NOL4L: variants seen among roughly 807,000 people sequenced by gnomAD.
NOL4L encodes the protein nucleolar protein 4 like, also known as nucleolar protein 4-like.
In NOL4L, 7 loss-of-function variants were observed where a neutral mutation model predicts 64.5. The observed-to-expected ratio is 0.11, with a 90% CI of 0.06 to 0.20. The LOEUF (loss-of-function observed/expected upper bound fraction) is 0.20. NOL4L is among the 10% of genes least tolerant of loss of function. The pLI is 1.00. For synonymous variants in NOL4L, 413 were observed against 401.0 expected, an observed-to-expected ratio of 1.03 and a Z score of -0.36; for missense variants, 680 against 967.1, an observed-to-expected ratio of 0.70 and a Z score of 3.94.
intron 1 of NOL4L, among the ~76,000 whole-genome samples, chr20:32,541,727 C>T (rs946791674): frequency 2.0e-5 from 3 of 152,268 alleles, no homozygotes; most frequent in Non-Finnish European, 4.4e-5. Flanking sequence ...GCGGCACCCG[C>T]GCTGAGCTGG....
rs1469308730 is a variant in NOL4L at position 32,447,539 on chromosome 20, G to T, written c.*57C>A. On this transcript the variant is annotated 3_prime_UTR_variant, in exon 11 of 11. Transcript: ENST00000621426. ...TACCAACTGGTGAGGCAGGAAGCCA[G>T]GTCCAGGCTGGGACAGCCTCCTTCC... 6.6e-7 allele frequency: 1 copy of T among 1,523,722 alleles called. No individual in the cohort carries two copies. The highest frequency in any genetic ancestry group is 2.3e-5 in the East Asian group (1 of 43,828). The allele number at this position is 1,523,722 out of a possible 1,614,324, so 94.4% of individuals were successfully genotyped here.
chr20:32,443,129 G>T lies in NOL4L; in HGVS notation c.*4467C>A, dbSNP rs1038342235. ...ATGATATACAGATTCAAAAGGAAAAGGATTCCACATACTTATGAAATCAGT... is the reference window on the plus strand; with the variant it reads ...ATGATATACAGATTCAAAAGGAAAATGATTCCACATACTTATGAAATCAGT... On this transcript the variant is annotated 3_prime_UTR_variant, in exon 11 of 11. Coordinates refer to ENST00000621426, the MANE Select transcript of NOL4L (RefSeq NM_001256798.2). The T allele has an allele frequency of 6.6e-6, 1 of 152,164 alleles. No individual in the cohort carries two copies. Among genetic ancestry groups the T allele is most frequent in the South Asian group, 2.1e-4 (1 of 4,832 alleles). 9.4% of individuals were successfully genotyped at this position (152,164 alleles called of 1,614,324 possible).
intron 5 of NOL4L, among the ~76,000 whole-genome samples, chr20:32,462,021 A>G (rs2014116437): frequency 6.6e-6 from 1 of 151,872 alleles, no homozygotes; most frequent in South Asian, 2.1e-4. Context: ...TCAACCCATC[A>G]CAGCAACTGG....
chr20:32,524,417 C>T (rs1186101251), intron 2 of NOL4L, among the ~76,000 whole-genome samples: 1 of 152,204 alleles, frequency 6.6e-6, no homozygotes, highest in African/African-American at 2.4e-5. Context: ...ATCTGATCCA[C>T]GGGTGGACAG....
At chr20:32,581,562 C>T (rs573034549) in intron 1 of NOL4L, among the ~76,000 whole-genome samples, 43 of 152,278 alleles carry the variant, frequency 2.8e-4, no homozygotes, top group African/African-American at 1.0e-3. Flanking sequence ...CATGGCCACC[C>T]TGGGGACAGA....
At chr20:32,563,594 A>G (rs562358912) in intron 1 of NOL4L, among the ~76,000 whole-genome samples, 201 of 152,120 alleles carry the variant, frequency 1.3e-3, no homozygotes, top group Non-Finnish European at 2.5e-3. Context: ...TGAGCCAGCC[A>G]GCCCAGGCCC....
In NOL4L at chr20:32,478,064, G is replaced by C. The variant is rs868372686; in HGVS notation, c.700-3322C>G. On this transcript the variant is annotated intron_variant, in intron 4 of 10. Coordinates refer to ENST00000621426, the MANE Select transcript of NOL4L (RefSeq NM_001256798.2). ...CCAACTGCCCAGGGGCACGAAGCCA[G>C]CAGCACAGCTGGTGTGTAGACCCAG... Among the ~76,000 whole-genome samples, 38 of 152,306 alleles carry C rather than the reference G, an allele frequency of 2.5e-4. No homozygotes were observed. The South Asian group carries it at 5.8e-3, about 23-fold the overall frequency.
chr20:32,566,832 C>T (rs936865628), intron 1 of NOL4L, among the ~76,000 whole-genome samples: 1 of 152,190 alleles, frequency 6.6e-6, no homozygotes, highest in African/African-American at 2.4e-5. Flanking sequence ...CACAGTGGGC[C>T]TGTTCCTTGT....
Position 32,487,929 on chromosome 20 carries a change from G to GTTTTA in NOL4L, c.700-13192_700-13188dup, listed in dbSNP as rs1401215491. On this transcript the variant is annotated intron_variant, in intron 4 of 10. Coordinates refer to ENST00000621426, the MANE Select transcript of NOL4L (RefSeq NM_001256798.2). ...TGTGATCCACAGTTTTTGTTTGTTG[G>GTTTTA]TTTTATTTTTTTTTTTTTTTGACCA... 1.5e-4 allele frequency among the ~76,000 whole-genome samples: 14 copies of GTTTTA among 92,430 alleles called. 1 individual carries two copies. Among genetic ancestry groups the GTTTTA allele is most frequent in the African/African-American group, 9.9e-4 (14 of 14,112 alleles). The allele number at this position is 92,430 out of a possible 152,430, so 60.6% of individuals were successfully genotyped here.
At chr20:32,465,929 G>A (rs573468159) in intron 5 of NOL4L, among the ~76,000 whole-genome samples, 1 of 152,140 alleles carries the variant, frequency 6.6e-6, no homozygotes, top group African/African-American at 2.4e-5. Context: ...AAGGGCAAGG[G>A]CACTGATCCC....
chr20:32,457,808 C>T (rs971096130), intron 5 of NOL4L, among the ~76,000 whole-genome samples: 3 of 152,234 alleles, frequency 2.0e-5, no homozygotes, highest in African/African-American at 2.4e-5. Context: ...ATAGCTGCCC[C>T]TCACTGGCTG....
chr20:32,538,841 CA>C (rs1342853434), intron 1 of NOL4L, among the ~76,000 whole-genome samples: 1 of 152,206 alleles, frequency 6.6e-6, no homozygotes, highest in African/African-American at 2.4e-5. Context: ...TGGAGGAGGG[CA>C]GGGGGGCCCG....
chr20:32,453,141 CT>C lies in NOL4L; in HGVS notation c.1498-136del. 7.0e-7 allele frequency: 1 copy of C among 1,423,710 alleles called. No individual in the cohort carries two copies. 88.2% of individuals were successfully genotyped at this position (1,423,710 alleles called of 1,614,324 possible). A position where few individuals can be genotyped will look rare whatever the true frequency, so the allele number is the denominator to read the frequency against. Reference sequence around the variant, plus strand: ...GCCTCAGTCTATGGAGCTGTGTGATCTTTCTGGGCCTTAGTTCCCTCATTTG... The same window carrying C: ...GCCTCAGTCTATGGAGCTGTGTGATCTTCTGGGCCTTAGTTCCCTCATTTG... On this transcript the variant is annotated intron_variant, in intron 8 of 10. Coordinates refer to ENST00000621426, the MANE Select transcript of NOL4L (RefSeq NM_001256798.2). This position sits in a 1 kb window ranked among gnomAD's most constrained non-coding sequence, Gnocchi z 5.6.
chr20:32,485,544 A>C, intron 4 of NOL4L: 1 of 329,994 alleles, frequency 3.0e-6, no homozygotes, highest in Non-Finnish European at 6.1e-6. Context: ...ACATTTACTC[A>C]TTTGCACCTT....
At chr20:32,548,939 C>T in intron 1 of NOL4L, 2 of 342,420 alleles carry the variant, frequency 5.8e-6, no homozygotes, top group South Asian at 4.4e-5. Flanking sequence ...TATGCACTGA[C>T]AGCATACAGA....
chr20:32,536,639 G>C (rs2145591765), intron 1 of NOL4L, among the ~76,000 whole-genome samples: 2 of 149,848 alleles, frequency 1.3e-5, no homozygotes, highest in Middle Eastern at 6.9e-3. Context: ...CAGGTAATGA[G>C]AGTAACCATG....
At position 32,453,783 on chromosome 20, in the gene NOL4L, G is replaced by A. The variant is rs1180959444; in HGVS notation, c.1120-22C>T. 1.3e-6 allele frequency: 2 copies of A among 1,550,450 alleles called. No homozygotes were observed. The highest frequency in any genetic ancestry group is 2.0e-5 in the Admixed American group (1 of 51,010). On this transcript the variant is annotated intron_variant, in intron 6 of 10. Coordinates refer to ENST00000621426, the MANE Select transcript of NOL4L (RefSeq NM_001256798.2). The surrounding 1 kb of genome is among the most constrained non-coding windows in gnomAD (Gnocchi z 5.6). Reference sequence around the variant, plus strand: ...GGGACTAAAAGGAGGGCAAGAGGCAGAGGGTTGGGCCAAGCAGCTGCTCAA... The same window carrying A: ...GGGACTAAAAGGAGGGCAAGAGGCAAAGGGTTGGGCCAAGCAGCTGCTCAA...
chr20:32,453,280 G>T lies in NOL4L; in HGVS notation c.1497+24C>A. The T allele has an allele frequency of 6.2e-7, 1 of 1,606,924 alleles. No individual in the cohort carries two copies. The highest frequency in any genetic ancestry group is 8.5e-7 in the Non-Finnish European group (1 of 1,174,978). On this transcript the variant is annotated intron_variant, in intron 8 of 10. Coordinates refer to ENST00000621426, the MANE Select transcript of NOL4L (RefSeq NM_001256798.2). The surrounding 1 kb of genome is among the most constrained non-coding windows in gnomAD (Gnocchi z 5.6). The stretch of plus-strand genomic sequence containing the variant: ...GTCAGTAGTGGCACCGAGGGAAAGT[G>T]TGGGCCAGGCAGGGGGGACTCACCA...
chr20:32,541,242 G>A (rs2018650454), intron 1 of NOL4L, among the ~76,000 whole-genome samples: 3 of 152,278 alleles, frequency 2.0e-5, no homozygotes, highest in Non-Finnish European at 2.9e-5. Context: ...GTAGGCACTC[G>A]ACAACTATTT....
Sources: gnomAD v4.1 joint callset for allele counts (sites outside exome capture counted in the v4.1 genomes callset) on GRCh38, gnomAD v4.1.1 for gene constraint, Gnocchi (gnomAD v3.1) non-coding constraint, MANE v1.5 for transcripts, NCBI Gene and HGNC (gene_info 2026-07-23, HGNC 2026-07-21) for gene names.